PARD6B: variants seen among roughly 807,000 people sequenced by gnomAD.
PARD6B encodes par-6 family cell polarity regulator beta, also known as partitioning defective 6 homolog beta.
In PARD6B, 4 loss-of-function variants were observed where a neutral mutation model predicts 10.5. That is an observed-to-expected ratio of 0.38 (90% CI 0.19 to 0.87). PARD6B has a LOEUF of 0.87. Ranked by LOEUF, PARD6B falls within the 40% of genes least tolerant of loss-of-function variation. The pLI is 0.41. For synonymous variants in PARD6B, 169 were observed against 170.4 expected, an observed-to-expected ratio of 0.99 and a Z score of 0.07; for missense variants, 396 against 470.6, an observed-to-expected ratio of 0.84 and a Z score of 1.47.
Position 50,752,269 on chromosome 20 carries a change from T to TA in PARD6B, c.*1787dup. 1.0e-6 allele frequency: 1 copy of TA among 984,864 alleles called. No individual in the cohort carries two copies. The highest frequency in any genetic ancestry group is 1.2e-6 in the Non-Finnish European group (1 of 829,730). The allele number at this position is 984,864 out of a possible 1,614,324, so 61.0% of individuals were successfully genotyped here. On this transcript the variant is annotated 3_prime_UTR_variant, in exon 3 of 3. Transcript: ENST00000371610. ...GCATCCAAGTATGCATCATTTTGGATAAAAAATACATCCAAATTAAGATGT... is the reference window on the plus strand; with the variant it reads ...GCATCCAAGTATGCATCATTTTGGATAAAAAAATACATCCAAATTAAGATGT...
rs543932994 is a variant in PARD6B at position 50,751,418 on chromosome 20, C to G, written c.*930C>G. 5.0e-6 allele frequency: 4 copies of G among 803,810 alleles called. No homozygotes were observed. Among genetic ancestry groups the G allele is most frequent in the South Asian group, 5.7e-5 (1 of 17,392 alleles). 49.8% of individuals were successfully genotyped at this position (803,810 alleles called of 1,614,324 possible). A position where few individuals can be genotyped will look rare whatever the true frequency, so the allele number is the denominator to read the frequency against. On this transcript the variant is annotated 3_prime_UTR_variant, in exon 3 of 3. Coordinates refer to ENST00000371610, the MANE Select transcript of PARD6B (RefSeq NM_032521.3). ...TCGCCCAGGCTGGAGTGCAGTGGCG[C>G]GATCTTGGCTCACTGCAAGCTCTAC...
chr20:50,743,530 G>A (rs6126086), intron 2 of PARD6B, among the ~76,000 whole-genome samples: 30,831 of 151,922 alleles, frequency 0.2, 3,183 homozygotes, highest in African/African-American at 0.25. Flanking sequence ...TATGAATCAG[G>A]GTTTAAAGTT....
intron 2 of PARD6B, among the ~76,000 whole-genome samples, chr20:50,747,489 CTTTTTTTTTT>C (rs58629233): frequency 1.5e-4 from 5 of 33,356 alleles, no homozygotes; most frequent in South Asian, 1.7e-3. Context: ...TTCTTTCTTT[CTTTTTTTTTT>C]TTTTTTTTTT....
chr20:50,751,248 C>T lies in PARD6B; in HGVS notation c.*760C>T. 1 of 971,286 alleles carries T rather than the reference C, an allele frequency of 1.0e-6. No individual in the cohort carries two copies. Among genetic ancestry groups the T allele is most frequent in the Non-Finnish European group, 1.2e-6 (1 of 819,192 alleles). 60.2% of individuals were successfully genotyped at this position (971,286 alleles called of 1,614,324 possible). Reference sequence around the variant, plus strand: ...TCCCAAAATGCTAGGATTAGAGCCACCATGCCCAGCCTATTTTGATTTTTG... The same window carrying T: ...TCCCAAAATGCTAGGATTAGAGCCATCATGCCCAGCCTATTTTGATTTTTG... On this transcript the variant is annotated 3_prime_UTR_variant, in exon 3 of 3. Coordinates refer to ENST00000371610, the MANE Select transcript of PARD6B (RefSeq NM_032521.3).
At chr20:50,739,174 T>C (rs116839244) in intron 2 of PARD6B, among the ~76,000 whole-genome samples, 2,521 of 152,040 alleles carry the variant, frequency 0.017, 85 homozygotes, top group African/African-American at 0.058. Flanking sequence ...CGGCCAGGCT[T>C]GGTGGCTCAC....
intron 2 of PARD6B, among the ~76,000 whole-genome samples, chr20:50,743,842 T>C (rs2087545158): frequency 6.9e-6 from 1 of 145,166 alleles, no homozygotes; most frequent in Non-Finnish European, 1.5e-5. Flanking sequence ...TGAGCCTAGA[T>C]CGCGCCACTG....
intron 2 of PARD6B, among the ~76,000 whole-genome samples, chr20:50,742,129 T>A (rs1412320449): frequency 6.6e-6 from 1 of 152,168 alleles, no homozygotes; most frequent in Non-Finnish European, 1.5e-5. Context: ...CTCCACTCAC[T>A]GCAACCTCCG....
At chr20:50,734,540 T>A (rs1295936012) in intron 1 of PARD6B, among the ~76,000 whole-genome samples, 2 of 146,578 alleles carry the variant, frequency 1.4e-5, no homozygotes, top group African/African-American at 2.5e-5. Context: ...TTATTTATTT[T>A]GTAGAGATGG....
At chr20:50,749,472 C>G (rs1001471238) in intron 2 of PARD6B, among the ~76,000 whole-genome samples, 187 bp from the exon 3 acceptor site, 3 of 151,966 alleles carry the variant, frequency 2.0e-5, no homozygotes, top group Non-Finnish European at 4.4e-5. Context: ...AGATGGCCAC[C>G]TAGTGGTTTT....
chr20:50,735,742 C>A (rs2087496223), intron 1 of PARD6B, among the ~76,000 whole-genome samples: 1 of 152,006 alleles, frequency 6.6e-6, no homozygotes, highest in South Asian at 2.1e-4. Flanking sequence ...TTGTTTTTAT[C>A]ATAACAGTTA....
rs1225868268 is a variant in PARD6B at position 50,747,455 on chromosome 20, G to GTCTTT, written c.290-2192_290-2188dup. Among the ~76,000 whole-genome samples, 6 of 84,352 alleles carry GTCTTT rather than the reference G, an allele frequency of 7.1e-5. No individual in the cohort carries two copies. The South Asian group carries it at 2.0e-3, about 29-fold the overall frequency. 55.3% of individuals were successfully genotyped at this position (84,352 alleles called of 152,430 possible). A position where few individuals can be genotyped will look rare whatever the true frequency, so the allele number is the denominator to read the frequency against. ...GGGAAGCCATTTATTTTTTGTTGTT[G>GTCTTT]TCTTTTCTTTTCTTTTTCTTTTTTT... On this transcript the variant is annotated intron_variant, in intron 2 of 2. Transcript: ENST00000371610.
chr20:50,749,545 A>G, intron 2 of PARD6B, 114 bp from the exon 3 acceptor site: 2 of 904,340 alleles, frequency 2.2e-6, no homozygotes, highest in Non-Finnish European at 3.2e-6. Flanking sequence ...CTTATTAGCT[A>G]GTTTGTTTAT....
intron 2 of PARD6B, among the ~76,000 whole-genome samples, chr20:50,749,249 A>G (rs1444341904): frequency 2.0e-5 from 3 of 152,064 alleles, no homozygotes; most frequent in Admixed American, 2.0e-4. Flanking sequence ...AGGGTGAGGC[A>G]GGAGAATTGC....
rs2087509315 is a variant in PARD6B at position 50,737,960 on chromosome 20, A to G, written c.170A>G (p.Asp57Gly). 1 of 1,613,350 alleles carries G rather than the reference A, an allele frequency of 6.2e-7. No individual in the cohort carries two copies. Among genetic ancestry groups the G allele is most frequent in the African/African-American group, 1.3e-5 (1 of 74,836 alleles). Residue 57 changes from aspartate to glycine, a missense_variant, in exon 2 of 3, where the codon GAC (aspartate) becomes GGC (glycine). By Grantham distance (94) the Asp-to-Gly change is moderately conservative (BLOSUM62 -1). Coordinates refer to ENST00000371610, the MANE Select transcript of PARD6B (RefSeq NM_032521.3). ...CATGTTCATAAGATCCCCAATGTTGACGTTTTGGTAGGCTATGCAGACATC... is the reference window on the plus strand; with the variant it reads ...CATGTTCATAAGATCCCCAATGTTGGCGTTTTGGTAGGCTATGCAGACATC... ...LQHVHKIPNV[D>G]VLVGYADIHG...
chr20:50,743,999 C>G (rs969479691), intron 2 of PARD6B, among the ~76,000 whole-genome samples: 3 of 151,838 alleles, frequency 2.0e-5, no homozygotes, highest in Admixed American at 2.0e-4. Context: ...TTTAGTCAGT[C>G]ACCAAGCCTA....
rs2087608330 is a variant in PARD6B at position 50,751,361 on chromosome 20, T to C, written c.*873T>C. On this transcript the variant is annotated 3_prime_UTR_variant, in exon 3 of 3. Transcript: ENST00000371610. ...CTTTTCTTTTCTTTCTTTTTTTTTT[T>C]TTTTTTTTTTTTGAGATGGAGTCTC... 1.1e-6 allele frequency: 1 copy of C among 907,892 alleles called. No homozygotes were observed. Among genetic ancestry groups the C allele is most frequent in the East Asian group, 1.2e-4 (1 of 8,052 alleles). The allele number at this position is 907,892 out of a possible 1,614,324, so 56.2% of individuals were successfully genotyped here. A position where few individuals can be genotyped will look rare whatever the true frequency, so the allele number is the denominator to read the frequency against.
intron 2 of PARD6B, among the ~76,000 whole-genome samples, chr20:50,744,841 C>G (rs1568997527): frequency 6.6e-6 from 1 of 152,184 alleles, no homozygotes; most frequent in Admixed American, 6.5e-5. Context: ...AGGCCAGGTC[C>G]CCTTTACATA....
chr20:50,738,015 T>A lies in PARD6B; in HGVS notation c.225T>A (p.Asp75Glu), dbSNP rs545650048. The A allele has an allele frequency of 6.2e-7, 1 of 1,613,188 alleles. No homozygotes were observed. Among genetic ancestry groups the A allele is most frequent in the Admixed American group, 1.7e-5 (1 of 59,716 alleles). Residue 75 changes from aspartate (D) to glutamate (E), a missense_variant, in exon 2 of 3, where the codon GAT becomes GAA. By Grantham distance (45) the Asp-to-Glu change is conservative (BLOSUM62 2). Transcript: ENST00000371610. ...IHGDLLPINN[D>E]DNYHKAVSTA... is the part of the protein sequence containing the mutation. ...GAGACTTACTACCTATAAATAATGA[T>A]GATAATTATCACAAAGCTGTTTCAA... is the stretch of plus-strand genomic sequence containing the variant.
chr20:50,745,777 G>C (rs972810106), intron 2 of PARD6B, among the ~76,000 whole-genome samples: 8 of 152,148 alleles, frequency 5.3e-5, no homozygotes, highest in Non-Finnish European at 1.0e-4. Context: ...AAAGTGCTGG[G>C]ATTACAGGCA....
Sources: allele counts gnomAD v4.1 joint callset (sites outside exome capture counted in the v4.1 genomes callset), GRCh38; gene constraint gnomAD v4.1.1; transcripts MANE v1.5; gene names NCBI Gene and HGNC (gene_info 2026-07-23, HGNC 2026-07-21).